Variants in HYCC2 observed in about 807,000 individuals in gnomAD.
The protein encoded by HYCC2 is hyccin PI4KA lipid kinase complex subunit 2.
chr2:200,999,835 G>A, the HYCC2 span, among the ~76,000 whole-genome samples: 3 of 147,526 alleles, frequency 2.0e-5, no homozygotes, highest in South Asian at 2.2e-4. Context: ...AGGCCGAGGC[G>A]GATCATACAG....
At chr2:201,058,166 A>C in the HYCC2 span, among the ~76,000 whole-genome samples, 1 of 152,212 alleles carries the variant, frequency 6.6e-6, no homozygotes, top group East Asian at 1.9e-4. Context: ...CTCCTCTATG[A>C]ATCTTTTCCA....
chr2:201,017,225 G>GA, the HYCC2 span: 1 of 1,067,932 alleles, frequency 9.4e-7, no homozygotes, highest in East Asian at 2.9e-5. Context: ...TGTAACTGTT[G>GA]TTTTTTTTTT....
the HYCC2 span, chr2:200,993,026 A>T: frequency 7.1e-7 from 1 of 1,406,352 alleles, no homozygotes; most frequent in Non-Finnish European, 1.0e-6. Context: ...ACTATTTAAC[A>T]TGTGATTTCC....
At chr2:200,981,664 C>G in the HYCC2 span, 1 of 1,614,142 alleles carries the variant, frequency 6.2e-7, no homozygotes, top group Non-Finnish European at 8.5e-7. The surrounding 1 kb of genome is among the most constrained non-coding windows in gnomAD (Gnocchi z 4.5). Context: ...TACTGAATCT[C>G]GAGGGCTCTC....
At chr2:200,994,411 C>T in the HYCC2 span, among the ~76,000 whole-genome samples, 1 of 152,034 alleles carries the variant, frequency 6.6e-6, no homozygotes, top group African/African-American at 2.4e-5. Flanking sequence ...CCACTCCCGG[C>T]TAATTAGTAG....
At chr2:201,039,229 C>T in the HYCC2 span, among the ~76,000 whole-genome samples, 1 of 152,138 alleles carries the variant, frequency 6.6e-6, no homozygotes, top group South Asian at 2.1e-4. Flanking sequence ...TATTTGTTTA[C>T]TTAATGTCTG....
the HYCC2 span, among the ~76,000 whole-genome samples, chr2:201,010,793 A>G: frequency 6.6e-6 from 1 of 151,844 alleles, no homozygotes; most frequent in Non-Finnish European, 1.5e-5. Flanking sequence ...AATTAAAAAT[A>G]AAAATATTTT....
At chr2:200,984,123 T>C in the HYCC2 span, among the ~76,000 whole-genome samples, 21 of 152,202 alleles carry the variant, frequency 1.4e-4, no homozygotes, top group African/African-American at 4.3e-4. Flanking sequence ...CACTGTAGCC[T>C]CAACCTCCCA....
chr2:201,017,272 T>C, the HYCC2 span: 4 of 863,920 alleles, frequency 4.6e-6, no homozygotes, highest in Non-Finnish European at 6.7e-6. Context: ...TTTTTAAAAG[T>C]CTTAATATTA....
chr2:201,003,973 C>G, the HYCC2 span, among the ~76,000 whole-genome samples: 1 of 151,782 alleles, frequency 6.6e-6, no homozygotes, highest in Admixed American at 6.6e-5. Flanking sequence ...ACCATCACGC[C>G]CAACTAATTT....
chr2:201,060,064 G>C, the HYCC2 span, among the ~76,000 whole-genome samples: 743 of 140,356 alleles, frequency 5.3e-3, 14 homozygotes, highest in Non-Finnish European at 8.6e-3. Flanking sequence ...CGGGGGGGGG[G>C]GGGTTCTTCT....
the HYCC2 span, among the ~76,000 whole-genome samples, chr2:201,002,281 C>CAA: frequency 1.6e-3 from 135 of 82,812 alleles, no homozygotes; most frequent in South Asian, 2.8e-3. Context: ...ACCAATCAGC[C>CAA]AAAAAAAAAA....
chr2:201,054,818 A>G, the HYCC2 span, among the ~76,000 whole-genome samples: 2 of 152,168 alleles, frequency 1.3e-5, no homozygotes, highest in African/African-American at 4.8e-5. Flanking sequence ...TTCCAAGAAA[A>G]CATGTCGAAT....
At chr2:200,998,478 T>C in the HYCC2 span, among the ~76,000 whole-genome samples, 1 of 152,202 alleles carries the variant, frequency 6.6e-6, no homozygotes. Flanking sequence ...CCCACTGAAT[T>C]GTAATTTTAC....
At chr2:201,042,683 G>A in the HYCC2 span, among the ~76,000 whole-genome samples, 2 of 150,360 alleles carry the variant, frequency 1.3e-5, no homozygotes, top group Admixed American at 6.6e-5. Context: ...CCCGGCAGCC[G>A]CCCAGTCCGG....
the HYCC2 span, among the ~76,000 whole-genome samples, chr2:201,012,001 T>C: frequency 6.6e-6 from 1 of 152,234 alleles, no homozygotes; most frequent in African/African-American, 2.4e-5. Context: ...TTTTAATATA[T>C]GTATATACTG....
chr2:200,981,614 C>T, the HYCC2 span: 1 of 1,614,028 alleles, frequency 6.2e-7, no homozygotes, highest in South Asian at 1.1e-5. The surrounding 1 kb of genome is among the most constrained non-coding windows in gnomAD (Gnocchi z 4.5). Flanking sequence ...ACTGAATCTA[C>T]ACTAAGATCA....
chr2:201,063,380 C>G, the HYCC2 span: 2 of 1,579,600 alleles, frequency 1.3e-6, no homozygotes, highest in Admixed American at 1.7e-5. Context: ...TTCTCAAAGA[C>G]CAGGTGCCCA....
At chr2:201,051,085 T>A in the HYCC2 span, among the ~76,000 whole-genome samples, 367 of 152,170 alleles carry the variant, frequency 2.4e-3, 3 homozygotes, top group African/African-American at 8.5e-3. Flanking sequence ...GTACTATATA[T>A]AAAGAATACC....
Sources: gnomAD v4.1 joint callset for allele counts (sites outside exome capture counted in the v4.1 genomes callset) on GRCh38, gnomAD v4.1.1 for gene constraint, Gnocchi (gnomAD v3.1) non-coding constraint, MANE v1.5 for transcripts, NCBI Gene and HGNC (gene_info 2026-07-23, HGNC 2026-07-21) for gene names.